The following KCNH1 variants were observed in gnomAD, a reference collection of about 807,000 sequenced individuals.
The protein encoded by KCNH1 is potassium voltage-gated channel subfamily H member 1.
KCNH1 carries 27 observed loss-of-function variants against 69.2 expected under a neutral mutation model. The ratio of observed to expected loss-of-function variants is 0.39; its 90% CI spans 0.29 to 0.54. The LOEUF (loss-of-function observed/expected upper bound fraction) is 0.54. Ranked by LOEUF, KCNH1 falls within the 20% of genes least tolerant of loss-of-function variation. The pLI, the probability that KCNH1 is intolerant of heterozygous loss-of-function variation, is 0.68. For synonymous variants in KCNH1, 456 were observed against 487.7 expected (o/e 0.93, Z 0.86); for missense variants, 798 against 1,261.6 (o/e 0.63, Z 5.57).
chr1:211,047,803 T>C (rs1049204672), intron 5 of KCNH1, among the ~76,000 whole-genome samples: 2 of 151,732 alleles, frequency 1.3e-5, no homozygotes, highest in Non-Finnish European at 2.9e-5. Context: ...ATTCTCAAAA[T>C]ATGCATCTGT....
intron 5 of KCNH1, among the ~76,000 whole-genome samples, chr1:211,048,505 T>C (rs1318563656): frequency 6.6e-6 from 1 of 152,114 alleles, no homozygotes; most frequent in East Asian, 1.9e-4. Context: ...CACGGAATAC[T>C]ACTCAGCCAT....
intron 5 of KCNH1, among the ~76,000 whole-genome samples, chr1:211,020,486 A>C (rs1448563960): frequency 8.8e-6 from 1 of 113,444 alleles, no homozygotes; most frequent in African/African-American, 3.3e-5. Flanking sequence ...TAATTGAATC[A>C]GTAATAAAAA....
In KCNH1 at chr1:210,679,127, T is replaced by A. The variant is rs1185217509; in HGVS notation, c.*4154A>T. ...TTTCTCTGATGTTTGCAGTCAGTGC[T>A]GAGAGGATCATGAAGTCTCCCCCAG... On this transcript the variant is annotated 3_prime_UTR_variant, in exon 11 of 11. Coordinates refer to ENST00000271751, the MANE Select transcript of KCNH1 (RefSeq NM_172362.3). 6.6e-6 allele frequency: 1 copy of A among 152,294 alleles called. No homozygotes were observed. The highest frequency in any genetic ancestry group is 1.5e-5 in the Non-Finnish European group (1 of 68,072). The allele number at this position is 152,294 out of a possible 1,614,324, so 9.4% of individuals were successfully genotyped here. A position where few individuals can be genotyped will look rare whatever the true frequency, so the allele number is the denominator to read the frequency against.
intron 7 of KCNH1, among the ~76,000 whole-genome samples, chr1:210,882,027 C>T (rs963882521): frequency 3.9e-5 from 6 of 152,094 alleles, no homozygotes; most frequent in Non-Finnish European, 8.8e-5. Context: ...AAACTATGGA[C>T]TTTGAGTGAC....
chr1:210,847,408 T>G (rs1457507181), intron 7 of KCNH1, among the ~76,000 whole-genome samples: 6 of 152,176 alleles, frequency 3.9e-5, no homozygotes, highest in African/African-American at 7.2e-5. Flanking sequence ...CCATAAAAAA[T>G]GATGAGTTCA....
At chr1:210,859,892 T>G (rs1356767664) in intron 7 of KCNH1, 2 of 1,273,008 alleles carry the variant, frequency 1.6e-6, no homozygotes, top group Non-Finnish European at 2.3e-6. Context: ...AGGTATTTAG[T>G]AATAGGTATG....
intron 6 of KCNH1, among the ~76,000 whole-genome samples, chr1:210,976,163 G>T (rs139630347): frequency 0.086 from 13,024 of 151,966 alleles, 701 homozygotes; most frequent in South Asian, 0.18. Context: ...GACTGTAAAC[G>T]AGTTCAACCA....
chr1:210,806,836 A>AATATATATAT lies in KCNH1; in HGVS notation c.1463-2680_1463-2671dup, dbSNP rs1553346590. The stretch of plus-strand genomic sequence containing the variant: ...AAAAAAAAAAAAAAAAAAAAAAAAA[A>AATATATATAT]ATATATATATATATATATAAATTTG... On this transcript the variant is annotated intron_variant, in intron 7 of 10. Coordinates refer to ENST00000271751, the MANE Select transcript of KCNH1 (RefSeq NM_172362.3). 6.3e-4 allele frequency among the ~76,000 whole-genome samples: 54 copies of AATATATATAT among 85,618 alleles called. 1 individual carries two copies. The highest frequency in any genetic ancestry group is 1.7e-3 in the African/African-American group (33 of 19,700). 56.2% of individuals were successfully genotyped at this position (85,618 alleles called of 152,430 possible). A position where few individuals can be genotyped will look rare whatever the true frequency, so the allele number is the denominator to read the frequency against.
At chr1:210,692,304 C>A (rs1681544149) in intron 10 of KCNH1, among the ~76,000 whole-genome samples, 1 of 152,282 alleles carries the variant, frequency 6.6e-6, no homozygotes, top group Admixed American at 6.5e-5. Flanking sequence ...TGCTCCTGTT[C>A]CTCTGTCTTC....
At chr1:210,717,510 C>T (rs370304778) in intron 10 of KCNH1, among the ~76,000 whole-genome samples, 7 of 152,144 alleles carry the variant, frequency 4.6e-5, no homozygotes, top group African/African-American at 1.4e-4. Context: ...AGCAGACTGT[C>T]TGTCTGTAAG....
chr1:210,755,720 CTTTGA>C (rs1683383994), intron 10 of KCNH1, among the ~76,000 whole-genome samples: 1 of 152,200 alleles, frequency 6.6e-6, no homozygotes, highest in Non-Finnish European at 1.5e-5. Flanking sequence ...TATGAGTACA[CTTTGA>C]CTTTATTTCT....
intron 10 of KCNH1, among the ~76,000 whole-genome samples, chr1:210,692,386 T>C (rs1681545333): frequency 6.6e-6 from 1 of 152,160 alleles, no homozygotes; most frequent in Non-Finnish European, 1.5e-5. Context: ...GATGTGCCCC[T>C]GGGTTGCTAC....
chr1:210,939,996 C>A (rs554593399), intron 6 of KCNH1, among the ~76,000 whole-genome samples: 1 of 152,254 alleles, frequency 6.6e-6, no homozygotes, highest in African/African-American at 2.4e-5. Context: ...TGTTTGTTGT[C>A]TTTATAAAAC....
At chr1:210,860,201 G>T (rs1468588549) in intron 7 of KCNH1, 2 of 1,314,884 alleles carry the variant, frequency 1.5e-6, no homozygotes, top group Non-Finnish European at 2.2e-6. Context: ...TAAAGGAGGG[G>T]CATCATATCT....
intron 10 of KCNH1, among the ~76,000 whole-genome samples, chr1:210,735,309 GA>G (rs1158765213): frequency 2.0e-5 from 3 of 152,120 alleles, no homozygotes; most frequent in African/African-American, 7.2e-5. Flanking sequence ...TTGTCTGCCT[GA>G]GTCACTTTTC....
At position 211,133,760 on chromosome 1, in the gene KCNH1, A is replaced by C; in HGVS notation, c.79+107T>G. On this transcript the variant is annotated intron_variant, in intron 1 of 10. Coordinates refer to ENST00000271751, the MANE Select transcript of KCNH1 (RefSeq NM_172362.3). The surrounding 1 kb of genome is among the most constrained non-coding windows in gnomAD (Gnocchi z 5.4). ...GGTGCCCGCGCCGCGGCTCCTTAGC[A>C]GAGCTCGCGGGTTCTGCTGCATCTG... 4.9e-6 allele frequency: 5 copies of C among 1,025,472 alleles called. No homozygotes were observed. Among genetic ancestry groups the C allele is most frequent in the African/African-American group, 1.6e-5 (1 of 61,132 alleles). 63.5% of individuals were successfully genotyped at this position (1,025,472 alleles called of 1,614,324 possible).
intron 6 of KCNH1, among the ~76,000 whole-genome samples, chr1:210,995,809 T>C (rs1347291683): frequency 6.6e-6 from 1 of 152,122 alleles, no homozygotes; most frequent in Non-Finnish European, 1.5e-5. Flanking sequence ...CTTTTGGGAT[T>C]TGGGGATTGT....
At chr1:210,730,577 C>T (rs1227233714) in intron 10 of KCNH1, among the ~76,000 whole-genome samples, 3 of 126,446 alleles carry the variant, frequency 2.4e-5, no homozygotes, top group African/African-American at 6.0e-5. Flanking sequence ...ATTACCATTG[C>T]TTTTCCAGCT....
At chr1:210,889,452 T>C (rs1454978514) in intron 7 of KCNH1, among the ~76,000 whole-genome samples, 4 of 152,212 alleles carry the variant, frequency 2.6e-5, no homozygotes, top group Non-Finnish European at 4.4e-5. Context: ...AATGTCCTAC[T>C]GAATGGGCAG....
Sources: allele counts gnomAD v4.1 joint callset (sites outside exome capture counted in the v4.1 genomes callset), GRCh38; gene constraint gnomAD v4.1.1; non-coding constraint Gnocchi (gnomAD v3.1); transcripts MANE v1.5; gene names NCBI Gene and HGNC (gene_info 2026-07-23, HGNC 2026-07-21).